The following BEND5 variants were observed in gnomAD, a reference collection of about 807,000 sequenced individuals.
The protein encoded by BEND5 is BEN domain containing 5.
A neutral mutation model predicts 43.9 loss-of-function variants in BEND5; 22 were observed. The ratio of observed to expected loss-of-function variants is 0.50; its 90% CI spans 0.36 to 0.72. The LOEUF (loss-of-function observed/expected upper bound fraction) is 0.72, where lower values mean the gene tolerates loss of function less well. Ranked by LOEUF, BEND5 falls within the 30% of genes least tolerant of loss-of-function variation. The pLI is 0.00. For missense variants in BEND5, 428 were observed against 550.6 expected, an observed-to-expected ratio of 0.78 and a Z score of 2.23; for synonymous variants, 228 against 225.9, an observed-to-expected ratio of 1.01 and a Z score of -0.08.
rs532775095 is a variant in BEND5, at chr1:48,754,392, C to T, written c.745+4508G>A. Reference sequence around the variant, plus strand: ...AAAAGGCACTCTGTCTTGTTCATTACGTTATTCCCAGCACCTAACCCAGTC... The same window carrying T: ...AAAAGGCACTCTGTCTTGTTCATTATGTTATTCCCAGCACCTAACCCAGTC... On this transcript the variant is annotated intron_variant, in intron 3 of 5. Coordinates refer to ENST00000371833, the MANE Select transcript of BEND5 (RefSeq NM_024603.4). Among the ~76,000 whole-genome samples the T allele has an allele frequency of 5.3e-5, 8 of 152,274 alleles. No homozygotes were observed. In the South Asian group the frequency reaches 8.3e-4, roughly 16 times the overall value.
At chr1:48,773,797 C>T (rs1222599145) in intron 1 of BEND5, among the ~76,000 whole-genome samples, 3 of 152,294 alleles carry the variant, frequency 2.0e-5, no homozygotes, top group Non-Finnish European at 4.4e-5. Context: ...TCGGTGTCCT[C>T]ATCTATGAAA....
chr1:48,749,645 G>A (rs1430303717), intron 3 of BEND5, among the ~76,000 whole-genome samples: 1 of 152,112 alleles, frequency 6.6e-6, no homozygotes, highest in Non-Finnish European at 1.5e-5. Context: ...ACATTCCTAG[G>A]GGGTCTGTGA....
In BEND5 at chr1:48,776,886, G is replaced by C; in HGVS notation, c.-55C>G. On this transcript the variant is annotated 5_prime_UTR_variant, in exon 1 of 6. Coordinates refer to ENST00000371833, the MANE Select transcript of BEND5 (RefSeq NM_024603.4). ...GCAGCTCAGCCCGCGGGGCGGGCGC[G>C]GAGGTGGGGATCCGGCGGGGGGCGC... 1 of 1,245,824 alleles carries C rather than the reference G, an allele frequency of 8.0e-7. No homozygotes were observed. The highest frequency in any genetic ancestry group is 1.1e-6 in the Non-Finnish European group (1 of 921,940). The allele number at this position is 1,245,824 out of a possible 1,614,324, so 77.2% of individuals were successfully genotyped here.
intron 2 of BEND5, among the ~76,000 whole-genome samples, chr1:48,759,915 GA>G (rs1229688660): frequency 2.0e-5 from 3 of 152,204 alleles, no homozygotes; most frequent in Non-Finnish European, 2.9e-5. Flanking sequence ...GTAGGGGCTT[GA>G]AAAATGTTTA....
intron 1 of BEND5, among the ~76,000 whole-genome samples, chr1:48,769,571 A>ACACACACACACAC (rs1491337703): frequency 3.2e-5 from 4 of 123,188 alleles, no homozygotes; most frequent in South Asian, 2.5e-4. Flanking sequence ...ACACACACAC[A>ACACACACACACAC]AGTTAAATTT....
chr1:48,735,739 T>A (rs1648939473), intron 5 of BEND5, among the ~76,000 whole-genome samples: 1 of 152,040 alleles, frequency 6.6e-6, no homozygotes, highest in South Asian at 2.1e-4. Context: ...GGCACAATGC[T>A]AGAACCACCA....
chr1:48,762,148 C>T (rs941260069), intron 1 of BEND5, among the ~76,000 whole-genome samples: 4 of 152,166 alleles, frequency 2.6e-5, no homozygotes, highest in African/African-American at 7.2e-5. Flanking sequence ...GGCTTGCCCA[C>T]GGCATGAGTC....
At chr1:48,750,135 A>G (rs1651449341) in intron 3 of BEND5, among the ~76,000 whole-genome samples, 2 of 152,162 alleles carry the variant, frequency 1.3e-5, no homozygotes, top group South Asian at 2.1e-4. Context: ...TAGGGACCAT[A>G]TGGGATTCAT....
chr1:48,733,002 C>T (rs72904826), intron 5 of BEND5, among the ~76,000 whole-genome samples: 3,223 of 152,136 alleles, frequency 0.021, 122 homozygotes, highest in African/African-American at 0.073. Context: ...GATTTAGAGA[C>T]GAGGAAGTCA....
chr1:48,741,702 C>T (rs1649934124), intron 4 of BEND5, among the ~76,000 whole-genome samples: 1 of 152,224 alleles, frequency 6.6e-6, no homozygotes, highest in South Asian at 2.1e-4. Flanking sequence ...TTCTCATCAA[C>T]CTAACAGAGA....
At chr1:48,774,881 T>A (rs1394608115) in intron 1 of BEND5, among the ~76,000 whole-genome samples, 2 of 152,140 alleles carry the variant, frequency 1.3e-5, no homozygotes, top group African/African-American at 4.8e-5. Flanking sequence ...CTAAGAAACT[T>A]ATCACTGACT....
intron 5 of BEND5, among the ~76,000 whole-genome samples, chr1:48,733,974 A>G (rs1318618550): frequency 2.0e-5 from 3 of 152,172 alleles, no homozygotes; most frequent in African/African-American, 7.2e-5. Flanking sequence ...ATAGACAGTT[A>G]TCTGAAGGCA....
intron 2 of BEND5, 157 bp from the exon 3 acceptor site, chr1:48,759,441 A>G: frequency 7.8e-7 from 1 of 1,289,106 alleles, no homozygotes; most frequent in Non-Finnish European, 1.0e-6. Context: ...CCTTCATTTT[A>G]TAAATGGGGA....
intron 1 of BEND5, among the ~76,000 whole-genome samples, chr1:48,764,783 C>A (rs2148671742): frequency 6.6e-6 from 1 of 152,278 alleles, no homozygotes; most frequent in East Asian, 1.9e-4. Flanking sequence ...CAAGTAGGAT[C>A]AAATCAGCTC....
chr1:48,746,887 G>A (rs1398866526), intron 3 of BEND5, among the ~76,000 whole-genome samples: 2 of 149,044 alleles, frequency 1.3e-5, no homozygotes, highest in African/African-American at 4.8e-5. Context: ...AATCAACAGA[G>A]CGCAATGTTT....
chr1:48,763,214 A>T (rs1162554546), intron 1 of BEND5, among the ~76,000 whole-genome samples: 2 of 152,224 alleles, frequency 1.3e-5, no homozygotes, highest in Admixed American at 1.3e-4. Context: ...ACCCCTACTG[A>T]TGAAAACGGC....
intron 3 of BEND5, among the ~76,000 whole-genome samples, chr1:48,744,334 C>A (rs1389371590): frequency 2.0e-5 from 3 of 152,198 alleles, no homozygotes; most frequent in Non-Finnish European, 2.9e-5. Flanking sequence ...ACCAAAGTTT[C>A]TTCTCTCTGT....
At chr1:48,761,056 G>A (rs1644231712) in intron 2 of BEND5, 2 of 311,158 alleles carry the variant, frequency 6.4e-6, no homozygotes, top group Non-Finnish European at 1.2e-5. Context: ...GTGGGCCAAG[G>A]AGAAACACAC....
intron 5 of BEND5, among the ~76,000 whole-genome samples, chr1:48,732,275 G>A (rs1648263399): frequency 3.9e-5 from 6 of 152,086 alleles, no homozygotes; most frequent in Admixed American, 3.9e-4. Context: ...ATGTCATGTG[G>A]GCATCTGTGA....
Sources: gnomAD v4.1 joint callset for allele counts (sites outside exome capture counted in the v4.1 genomes callset) on GRCh38, gnomAD v4.1.1 for gene constraint, MANE v1.5 for transcripts, NCBI Gene and HGNC (gene_info 2026-07-23, HGNC 2026-07-21) for gene names.